Variants in RAD51B observed in about 807,000 individuals in gnomAD.
RAD51B encodes the protein RAD51 paralog B.
Under a neutral mutation model 42.2 loss-of-function variants are expected in RAD51B, and 38 were observed. The ratio of observed to expected loss-of-function variants is 0.90; its 90% CI spans 0.70 to 1.18. The LOEUF (loss-of-function observed/expected upper bound fraction) is 1.18. Ranked by LOEUF, RAD51B falls within the 50% of genes most tolerant of loss-of-function variation. The pLI, the probability that RAD51B is intolerant of heterozygous loss-of-function variation, is 0.00. For missense variants in RAD51B, 373 were observed against 400.7 expected (o/e 0.93, Z 0.59); for synonymous variants, 154 against 145.2 (o/e 1.06, Z -0.43).
intron 7 of RAD51B, among the ~76,000 whole-genome samples, chr14:68,201,865 T>C (rs2079492691): frequency 6.6e-6 from 1 of 152,132 alleles, no homozygotes; most frequent in South Asian, 2.1e-4. Flanking sequence ...CTGCTTCTGA[T>C]TTGGATTGGC....
intron 9 of RAD51B, among the ~76,000 whole-genome samples, chr14:68,425,040 G>A (rs2084799911): frequency 2.6e-5 from 4 of 152,172 alleles, no homozygotes; most frequent in Admixed American, 2.6e-4. Context: ...CATCCAAAGG[G>A]CTGAGATTAC....
intron 7 of RAD51B, among the ~76,000 whole-genome samples, chr14:67,910,441 A>ATAT (rs1566953763): frequency 1.4e-5 from 2 of 146,076 alleles, no homozygotes; most frequent in Middle Eastern, 3.2e-3. Flanking sequence ...AAAAAAAAAA[A>ATAT]ATATTTAAAT....
At chr14:67,926,037 G>C (rs1014417941) in intron 7 of RAD51B, among the ~76,000 whole-genome samples, 2 of 152,156 alleles carry the variant, frequency 1.3e-5, no homozygotes, top group Non-Finnish European at 2.9e-5. Context: ...GCGGTAGGAG[G>C]GGCTCCCATG....
chr14:67,908,121 A>G (rs750819361), intron 7 of RAD51B, among the ~76,000 whole-genome samples: 14 of 152,190 alleles, frequency 9.2e-5, no homozygotes, highest in Non-Finnish European at 2.1e-4. Context: ...CCCAAATGTC[A>G]TGGTTGTCAA....
chr14:68,005,609 A>G (rs2075576203), intron 7 of RAD51B, among the ~76,000 whole-genome samples: 1 of 152,084 alleles, frequency 6.6e-6, no homozygotes, highest in African/African-American at 2.4e-5. Flanking sequence ...TAACTACTAT[A>G]TTTTAGCTAC....
At chr14:67,951,921 T>C (rs1010298114) in intron 7 of RAD51B, among the ~76,000 whole-genome samples, 1 of 152,166 alleles carries the variant, frequency 6.6e-6, no homozygotes, top group Non-Finnish European at 1.5e-5. Context: ...TTTGCGTAAA[T>C]AACCCCATGT....
intron 10 of RAD51B, among the ~76,000 whole-genome samples, chr14:68,571,836 C>G (rs1380215040): frequency 6.6e-6 from 1 of 151,812 alleles, no homozygotes; most frequent in East Asian, 1.9e-4. Context: ...TTGAGAATCT[C>G]CTTGGCTCAG....
intron 7 of RAD51B, among the ~76,000 whole-genome samples, chr14:68,238,278 T>G (rs189476364): frequency 6.6e-6 from 1 of 152,244 alleles, no homozygotes; most frequent in Admixed American, 6.5e-5. Context: ...ATAGAATTCC[T>G]TAGTTTAGTT....
intron 7 of RAD51B, among the ~76,000 whole-genome samples, chr14:68,263,459 A>G (rs939199905): frequency 6.6e-6 from 1 of 152,220 alleles, no homozygotes; most frequent in African/African-American, 2.4e-5. Context: ...AACATATTGG[A>G]ACAAAAAATT....
intron 7 of RAD51B, among the ~76,000 whole-genome samples, chr14:68,192,060 A>G (rs2079278577): frequency 6.6e-6 from 1 of 152,196 alleles, no homozygotes; most frequent in South Asian, 2.1e-4. Flanking sequence ...CATGTGACAT[A>G]GCTTTTCAGA....
Position 68,511,822 on chromosome 14 carries a change from G to T in RAD51B, c.1036+43572G>T, listed in dbSNP as rs1049254087. 2.0e-5 allele frequency among the ~76,000 whole-genome samples: 3 copies of T among 152,204 alleles called. No homozygotes were observed. The East Asian group carries it at 5.8e-4, about 29-fold the overall frequency. On this transcript the variant is annotated intron_variant, in intron 10 of 10. Coordinates refer to the RAD51B transcript ENST00000487270. ...AGGGGGCATAGGGAGTCCAGGATTTGCTTGACTATCTCATTCTTCACAAGG... is the reference window on the plus strand; with the variant it reads ...AGGGGGCATAGGGAGTCCAGGATTTTCTTGACTATCTCATTCTTCACAAGG...
chr14:68,575,060 G>A (rs193060039), intron 10 of RAD51B, among the ~76,000 whole-genome samples: 1 of 152,336 alleles, frequency 6.6e-6, no homozygotes, highest in African/African-American at 2.4e-5. Context: ...TCTCTAGTGG[G>A]AAGCCATGGA....
rs138838472 is a variant in RAD51B, at chr14:67,946,207, T to G, written c.756+59003T>G. 8.0e-3 allele frequency among the ~76,000 whole-genome samples: 1,224 copies of G among 152,336 alleles called. 15 individuals carry two copies. The highest frequency in any genetic ancestry group is 0.028 in the African/African-American group (1,148 of 41,578). ...GAAAATACTTTTTTCTAATTCAACT[T>G]TTAATCAGATAAATGATTATTTTTG... On this transcript the variant is annotated intron_variant, in intron 7 of 10. Transcript: ENST00000471583.
rs1041354901 is a variant in RAD51B at position 68,445,335 on chromosome 14, T to G, written c.958-22837T>G. On this transcript the variant is annotated intron_variant, in intron 9 of 10. Coordinates refer to ENST00000471583, the MANE Select transcript of RAD51B (RefSeq NM_133510.4). ...TACTTAAAAATGATTCTGTATAAGA[T>G]TACTAATTTACTGATTTCCAATTCA... Among the ~76,000 whole-genome samples, 5 of 152,186 alleles carry G rather than the reference T, an allele frequency of 3.3e-5. No homozygotes were observed. In the East Asian group the frequency reaches 7.7e-4, roughly 23 times the overall value.
intron 3 of RAD51B, among the ~76,000 whole-genome samples, 183 bp from the exon 4 acceptor site, chr14:67,834,897 T>G (rs757290125): frequency 6.6e-6 from 1 of 152,192 alleles, no homozygotes; most frequent in East Asian, 1.9e-4. Context: ...CTTTCTGTTA[T>G]GTCATATCCC....
At position 68,557,867 on chromosome 14, in the gene RAD51B, G is replaced by A. The variant is rs1888934006; in HGVS notation, c.1037-36618G>A. Among the ~76,000 whole-genome samples the A allele has an allele frequency of 3.3e-5, 5 of 152,058 alleles. No homozygotes were observed. In the South Asian group the frequency reaches 1.0e-3, roughly 32 times the overall value. On this transcript the variant is annotated intron_variant, in intron 10 of 10. Transcript: ENST00000487270. ...GTGAAGACAGACAGATGATTTATTG[G>A]GCATTTCCTAGCCTCCCCTTCACCA...
intron 8 of RAD51B, among the ~76,000 whole-genome samples, chr14:68,310,275 A>G (rs975905553): frequency 6.6e-6 from 1 of 152,142 alleles, no homozygotes; most frequent in African/African-American, 2.4e-5. Context: ...TACCCTGCTC[A>G]CTGTAGGATG....
intron 3 of RAD51B, among the ~76,000 whole-genome samples, chr14:67,830,323 C>T (rs1041372426): frequency 7.9e-5 from 12 of 151,988 alleles, no homozygotes; most frequent in African/African-American, 2.9e-4. Context: ...TACTGTATTC[C>T]AAACAAAAAG....
intron 7 of RAD51B, among the ~76,000 whole-genome samples, chr14:67,902,965 T>A (rs1330121811): frequency 6.6e-6 from 1 of 152,116 alleles, no homozygotes; most frequent in Non-Finnish European, 1.5e-5. Context: ...TTCTCTTGCC[T>A]AAGCCTCCTG....
Sources: allele counts gnomAD v4.1 joint callset (sites outside exome capture counted in the v4.1 genomes callset), GRCh38; gene constraint gnomAD v4.1.1; transcripts MANE v1.5; gene names NCBI Gene and HGNC (gene_info 2026-07-23, HGNC 2026-07-21).